TIPARP: variants seen among roughly 807,000 people sequenced by gnomAD.
TIPARP encodes the protein TCDD inducible poly(ADP-ribose) polymerase.
In TIPARP, 12 loss-of-function variants were observed where a neutral mutation model predicts 56.5. The observed-to-expected ratio is 0.21, with a 90% CI of 0.14 to 0.34. The LOEUF (loss-of-function observed/expected upper bound fraction) is 0.34, where lower values mean the gene tolerates loss of function less well. Among genes scored for constraint, TIPARP ranks in the 10% least tolerant of loss-of-function variants. The pLI, the probability that TIPARP is intolerant of heterozygous loss-of-function variation, is 1.00. For missense variants in TIPARP, 604 were observed against 781.6 expected (o/e 0.77, Z 2.71); for synonymous variants, 296 against 265.7 (o/e 1.11, Z -1.11).
Position 156,678,301 on chromosome 3 carries a change from A to G in TIPARP, c.604A>G (p.Thr202Ala), listed in dbSNP as rs747599850. The G allele has an allele frequency of 6.2e-7, 1 of 1,614,214 alleles. No individual in the cohort carries two copies. The highest frequency in any genetic ancestry group is 8.5e-7 in the Non-Finnish European group (1 of 1,180,036). Residue 202 changes from threonine to alanine, a missense_variant, in exon 2 of 6, where the codon ACC becomes GCC. Around this residue, in one of 4 missense-constraint regions of TIPARP, gnomAD observed 261 missense variants for 279.2 expected, o/e 0.93. Transcript: ENST00000295924. Reference protein sequence around the residue: ...NSFTIQYILDTSDKLSTELFQ... With the variant: ...NSFTIQYILDASDKLSTELFQ... ...TTTTACAATCCAATACATTCTGGAC[A>G]CCAGTGATAAGCTGAGTACTGAGCT...
chr3:156,702,214 A>G (rs1722867299), intron 4 of TIPARP, among the ~76,000 whole-genome samples: 1 of 152,060 alleles, frequency 6.6e-6, no homozygotes, highest in Non-Finnish European at 1.5e-5. Context: ...AGAGTATGAA[A>G]TTAGAAACTA....
chr3:156,701,389 GGA>G (rs1278344499), intron 4 of TIPARP, among the ~76,000 whole-genome samples: 4 of 152,198 alleles, frequency 2.6e-5, no homozygotes, highest in Non-Finnish European at 5.9e-5. Context: ...AACCTCTAGA[GGA>G]GAGTGTTTGC....
At chr3:156,701,713 A>G (rs79429983) in intron 4 of TIPARP, among the ~76,000 whole-genome samples, 3 of 152,312 alleles carry the variant, frequency 2.0e-5, no homozygotes, top group Non-Finnish European at 4.4e-5. Flanking sequence ...CTGAGGATCC[A>G]AAGGAATCTG....
chr3:156,698,384 C>T (rs1053741282), intron 4 of TIPARP, among the ~76,000 whole-genome samples: 1 of 152,134 alleles, frequency 6.6e-6, no homozygotes, highest in East Asian at 1.9e-4. Flanking sequence ...TCTAGGACTT[C>T]ATAGGTAGAG....
intron 2 of TIPARP, among the ~76,000 whole-genome samples, chr3:156,690,438 T>C (rs1046845741): frequency 6.6e-6 from 1 of 152,170 alleles, no homozygotes; most frequent in African/African-American, 2.4e-5. Context: ...GCTTAATTGG[T>C]ATGTGCAGAT....
rs1722954707 is a variant in TIPARP at position 156,705,320 on chromosome 3, TTTAA to T, written c.*193_*196del. On this transcript the variant is annotated 3_prime_UTR_variant, in exon 6 of 6. Coordinates refer to ENST00000295924, the MANE Select transcript of TIPARP (RefSeq NM_015508.5). ...CAAGTTTTAAAATGACCACTTACTCTTTAATTATTTACTAATTGCTAGTGTACTC... is the reference window on the plus strand; with the variant it reads ...CAAGTTTTAAAATGACCACTTACTCTTTATTTACTAATTGCTAGTGTACTC... 9.6e-6 allele frequency: 5 copies of T among 519,954 alleles called. No homozygotes were observed. Among genetic ancestry groups the T allele is most frequent in the South Asian group, 5.3e-5 (2 of 38,074 alleles). The allele number at this position is 519,954 out of a possible 1,614,324, so 32.2% of individuals were successfully genotyped here.
At chr3:156,699,274 G>A (rs1172086590) in intron 4 of TIPARP, among the ~76,000 whole-genome samples, 1 of 152,196 alleles carries the variant, frequency 6.6e-6, no homozygotes, top group Non-Finnish European at 1.5e-5. Context: ...AAGTTCTGCG[G>A]GTAAAATGCT....
chr3:156,681,520 T>G (rs1298415074), intron 2 of TIPARP, among the ~76,000 whole-genome samples: 1 of 152,192 alleles, frequency 6.6e-6, no homozygotes, highest in Non-Finnish European at 1.5e-5. Flanking sequence ...AGATAAAATC[T>G]TTTATTTAGC....
In TIPARP at chr3:156,676,134, C is replaced by T. The variant is rs570230653; in HGVS notation, c.-42+1338C>T. On this transcript the variant is annotated intron_variant, in intron 1 of 5. Coordinates refer to ENST00000295924, the MANE Select transcript of TIPARP (RefSeq NM_015508.5). ...TATGGTGGAGAGGGAATACCACAATCTGTGCCAATTGTGCCTTGAGGCAAT... is the reference window on the plus strand; with the variant it reads ...TATGGTGGAGAGGGAATACCACAATTTGTGCCAATTGTGCCTTGAGGCAAT... Among the ~76,000 whole-genome samples the T allele has an allele frequency of 3.9e-5, 6 of 152,364 alleles. No individual in the cohort carries two copies. The East Asian group carries it at 9.7e-4, about 25-fold the overall frequency.
chr3:156,704,744 T>C lies in TIPARP; in HGVS notation c.1587T>C (p.His529=), dbSNP rs768739897. 2 of 1,614,056 alleles carry C rather than the reference T, an allele frequency of 1.2e-6. No individual in the cohort carries two copies. The highest frequency in any genetic ancestry group is 3.3e-5 in the Admixed American group (2 of 60,006). Residue 529 remains histidine (H), a synonymous_variant, in exon 6 of 6, where the codon CAT becomes CAC. Coordinates refer to ENST00000295924, the MANE Select transcript of TIPARP (RefSeq NM_015508.5). The part of the protein sequence containing the change: ...FGRDRIINER[H]LFHGTSQDVV... Reference sequence around the variant, plus strand: ...GTGACAGGATAATAAATGAGAGACATTTATTTCATGGAACATCCCAGGATG... The same window carrying C: ...GTGACAGGATAATAAATGAGAGACACTTATTTCATGGAACATCCCAGGATG...
intron 2 of TIPARP, among the ~76,000 whole-genome samples, chr3:156,692,111 C>G (rs968533684): frequency 6.6e-6 from 1 of 152,084 alleles, no homozygotes; most frequent in Non-Finnish European, 1.5e-5. Context: ...CTAAGAACTC[C>G]TTAAAGGAAA....
At chr3:156,674,968 C>G (rs933835762) in intron 1 of TIPARP, 172 bp downstream of exon 1, 4 of 152,378 alleles carry the variant, frequency 2.6e-5, no homozygotes, top group Admixed American at 2.6e-4. Flanking sequence ...CACTCGGGTC[C>G]CGTCAGCATG....
chr3:156,692,845 G>A (rs559818511), intron 2 of TIPARP, among the ~76,000 whole-genome samples: 36 of 152,194 alleles, frequency 2.4e-4, no homozygotes, highest in African/African-American at 7.7e-4. Context: ...AGCAAAACCC[G>A]TAGATCAAAT....
chr3:156,695,850 T>TTTTTTTTTTTTTTC lies in TIPARP; in HGVS notation c.1087-12_1087-11insTTTTTTTTTTCTTT. 1 of 1,490,968 alleles carries TTTTTTTTTTTTTTC rather than the reference T, an allele frequency of 6.7e-7. No individual in the cohort carries two copies. Among genetic ancestry groups the TTTTTTTTTTTTTTC allele is most frequent in the Admixed American group, 2.5e-5 (1 of 39,224 alleles). The allele number at this position is 1,490,968 out of a possible 1,614,324, so 92.4% of individuals were successfully genotyped here. ...CCTTTTTTTTTTTTTTTTTGTTCTG[T>TTTTTTTTTTTTTTC]TTTCTCCTCCATAGTCTGTCATTCG... On this transcript the variant is annotated splice_polypyrimidine_tract_variant and intron_variant, in intron 3 of 5. Transcript: ENST00000295924.
intron 2 of TIPARP, among the ~76,000 whole-genome samples, chr3:156,689,340 A>G (rs1178093875): frequency 6.6e-6 from 1 of 152,120 alleles, no homozygotes; most frequent in Non-Finnish European, 1.5e-5. Context: ...TAACTCTTAA[A>G]TACTTCAGCT....
intron 2 of TIPARP, among the ~76,000 whole-genome samples, chr3:156,689,530 A>G (rs919494174): frequency 6.6e-6 from 1 of 152,222 alleles, no homozygotes; most frequent in South Asian, 2.1e-4. Context: ...CTATACCACT[A>G]CAACTGGAGT....
intron 2 of TIPARP, among the ~76,000 whole-genome samples, chr3:156,687,862 T>A (rs1722469628): frequency 6.6e-6 from 1 of 152,172 alleles, no homozygotes; most frequent in Non-Finnish European, 1.5e-5. Context: ...TCTCACTAAC[T>A]TGCTGCCTTC....
At chr3:156,687,190 A>C (rs541526075) in intron 2 of TIPARP, among the ~76,000 whole-genome samples, 25 of 152,322 alleles carry the variant, frequency 1.6e-4, no homozygotes, top group Middle Eastern at 3.4e-3. Context: ...ATGGTTGAGA[A>C]GTATGTCTCA....
chr3:156,681,727 A>T lies in TIPARP; in HGVS notation c.917+3113A>T, dbSNP rs568229130. ...AATACATGCTTATTTGTTCCTTGTA[A>T]TGAAATTATGATGTAATCCCACTTT... On this transcript the variant is annotated intron_variant, in intron 2 of 5. Coordinates refer to ENST00000295924, the MANE Select transcript of TIPARP (RefSeq NM_015508.5). Among the ~76,000 whole-genome samples, 32 of 152,294 alleles carry T rather than the reference A, an allele frequency of 2.1e-4. No individual in the cohort carries two copies. The South Asian group carries it at 6.4e-3, about 31-fold the overall frequency.
Sources: gnomAD v4.1 joint callset for allele counts (sites outside exome capture counted in the v4.1 genomes callset) on GRCh38, gnomAD v4.1.1 for gene constraint, gnomAD v4.1.1 regional missense constraint, MANE v1.5 for transcripts, NCBI Gene and HGNC (gene_info 2026-07-23, HGNC 2026-07-21) for gene names.